The following SORCS3 variants were observed in gnomAD, a reference collection of about 807,000 sequenced individuals.
SORCS3 encodes the protein VPS10 domain-containing receptor SorCS3.
In SORCS3, 57 loss-of-function variants were observed where a neutral mutation model predicts 146.3. That is an observed-to-expected ratio of 0.39 (90% CI 0.31 to 0.49). The LOEUF is 0.49. SORCS3 is among the 20% of genes least tolerant of loss of function. SORCS3 has a pLI of 0.92. For missense variants in SORCS3, 1,341 were observed against 1,575.5 expected (o/e 0.85, Z 2.52); for synonymous variants, 653 against 618.5 (o/e 1.06, Z -0.83).
chr10:105,069,272 G>A (rs2055542370), intron 5 of SORCS3, among the ~76,000 whole-genome samples: 1 of 152,174 alleles, frequency 6.6e-6, no homozygotes, highest in Non-Finnish European at 1.5e-5. Flanking sequence ...TGCAATTCTA[G>A]GCAAATCCAG....
chr10:105,155,021 T>C (rs1055650897), intron 9 of SORCS3, among the ~76,000 whole-genome samples: 2 of 152,282 alleles, frequency 1.3e-5, no homozygotes, highest in Non-Finnish European at 2.9e-5. Context: ...TGCTGCGGCA[T>C]TATGTACAAC....
chr10:105,070,594 C>A (rs1417803256), intron 5 of SORCS3, among the ~76,000 whole-genome samples: 2 of 152,188 alleles, frequency 1.3e-5, no homozygotes, highest in African/African-American at 4.8e-5. Flanking sequence ...CTTTTAAGAA[C>A]TCTACATGGA....
chr10:105,085,263 A>G (rs2055652857), intron 5 of SORCS3, among the ~76,000 whole-genome samples: 2 of 152,264 alleles, frequency 1.3e-5, no homozygotes, highest in African/African-American at 2.4e-5. Context: ...GGCTAACGCC[A>G]TCAACATGGC....
intron 7 of SORCS3, among the ~76,000 whole-genome samples, chr10:105,138,158 GTC>G (rs2056071397): frequency 6.6e-6 from 1 of 152,212 alleles, no homozygotes; most frequent in Non-Finnish European, 1.5e-5. Flanking sequence ...GTGAAAACCA[GTC>G]TCTCTTCTTG....
At chr10:104,833,384 G>C (rs2018023481) in intron 1 of SORCS3, among the ~76,000 whole-genome samples, 1 of 152,152 alleles carries the variant, frequency 6.6e-6, no homozygotes, top group Non-Finnish European at 1.5e-5. Flanking sequence ...TTCCACATCA[G>C]CCTTGGTGGG....
In SORCS3 at chr10:104,926,075, C is replaced by T. The variant is rs145485567; in HGVS notation, c.795+10143C>T. Among the ~76,000 whole-genome samples the T allele has an allele frequency of 2.5e-3, 384 of 152,316 alleles. 1 individual carries two copies. Among genetic ancestry groups the T allele is most frequent in the Non-Finnish European group, 4.3e-3 (293 of 68,032 alleles). On this transcript the variant is annotated intron_variant, in intron 3 of 26. Coordinates refer to ENST00000369701, the MANE Select transcript of SORCS3 (RefSeq NM_014978.3). ...GCCTGGCTGTGCCTTTAGTGCTGACCGCAGTGGCTGCTGGGCCTCCCCTCC... is the reference window on the plus strand; with the variant it reads ...GCCTGGCTGTGCCTTTAGTGCTGACTGCAGTGGCTGCTGGGCCTCCCCTCC...
At chr10:104,780,049 G>A (rs1384578847) in intron 1 of SORCS3, among the ~76,000 whole-genome samples, 2 of 151,494 alleles carry the variant, frequency 1.3e-5, no homozygotes. Context: ...GTGGGGCAGC[G>A]GGGCAGGAGT....
At chr10:105,085,343 A>G (rs982220297) in intron 5 of SORCS3, among the ~76,000 whole-genome samples, 1 of 152,192 alleles carries the variant, frequency 6.6e-6, no homozygotes, top group Non-Finnish European at 1.5e-5. Context: ...ATTGTGGTGA[A>G]GAATGTTCTT....
intron 2 of SORCS3, among the ~76,000 whole-genome samples, chr10:104,851,495 C>A (rs910478829): frequency 6.6e-6 from 1 of 152,196 alleles, no homozygotes; most frequent in Non-Finnish European, 1.5e-5. Flanking sequence ...AATTCATTAG[C>A]CTTCTAATGC....
intron 5 of SORCS3, among the ~76,000 whole-genome samples, chr10:105,067,980 T>C (rs930432895): frequency 6.6e-6 from 1 of 152,022 alleles, no homozygotes; most frequent in African/African-American, 2.4e-5. Context: ...CCCACTCTCA[T>C]CAATGCTTCC....
intron 1 of SORCS3, among the ~76,000 whole-genome samples, chr10:104,685,480 C>T (rs1589457098): frequency 6.6e-6 from 1 of 152,320 alleles, no homozygotes; most frequent in Non-Finnish European, 1.5e-5. Flanking sequence ...GAGGCAGCAG[C>T]TGCAAAGGTT....
intron 8 of SORCS3, 50 bp downstream of exon 8, chr10:105,139,536 G>T (rs764820403): frequency 7.0e-7 from 1 of 1,429,566 alleles, no homozygotes; most frequent in Non-Finnish European, 9.8e-7. Context: ...CAAAGGGAGG[G>T]TTGGAGAGGC....
intron 4 of SORCS3, among the ~76,000 whole-genome samples, chr10:105,019,378 T>C (rs562655161): frequency 1.3e-5 from 2 of 152,238 alleles, no homozygotes; most frequent in East Asian, 3.8e-4. Flanking sequence ...CATTTGAGTC[T>C]TTCAGTCTAG....
chr10:105,053,382 A>C (rs2055425889), intron 5 of SORCS3, among the ~76,000 whole-genome samples: 1 of 152,028 alleles, frequency 6.6e-6, no homozygotes, highest in Non-Finnish European at 1.5e-5. Flanking sequence ...GGAAGTGGAG[A>C]GGCAATGCCA....
intron 1 of SORCS3, among the ~76,000 whole-genome samples, chr10:104,758,662 G>A (rs766374627): frequency 2.6e-5 from 4 of 152,114 alleles, no homozygotes; most frequent in Non-Finnish European, 4.4e-5. Context: ...AATGACAGCT[G>A]AGACCTTGCA....
chr10:104,748,081 T>G (rs577666264), intron 1 of SORCS3, among the ~76,000 whole-genome samples: 1 of 152,352 alleles, frequency 6.6e-6, no homozygotes, highest in African/African-American at 2.4e-5. Flanking sequence ...TTGGCTAAGT[T>G]TGTCATGAGG....
At chr10:104,716,031 T>C (rs2016472570) in intron 1 of SORCS3, among the ~76,000 whole-genome samples, 2 of 152,192 alleles carry the variant, frequency 1.3e-5, no homozygotes, top group African/African-American at 4.8e-5. Context: ...TCAGAGCTCT[T>C]GCAGTGGAGT....
intron 2 of SORCS3, among the ~76,000 whole-genome samples, chr10:104,891,273 G>T (rs1278619336): frequency 6.6e-6 from 1 of 152,118 alleles, no homozygotes; most frequent in Non-Finnish European, 1.5e-5. Context: ...AATTCTTTCA[G>T]GCGGTTCTTT....
Position 105,200,662 on chromosome 10 carries a change from G to A in SORCS3, c.2128-458G>A, listed in dbSNP as rs569565972. ...TTCTCCTTTCTTTGTTCTTGACTGG[G>A]AATTAAGATTTGGGCATGGTCGTTT... On this transcript the variant is annotated intron_variant, in intron 15 of 26. Transcript: ENST00000369701. Among the ~76,000 whole-genome samples, 19 of 152,264 alleles carry A rather than the reference G, an allele frequency of 1.2e-4. No homozygotes were observed. In the East Asian group the frequency reaches 2.7e-3, roughly 22 times the overall value.
Sources: allele counts gnomAD v4.1 joint callset (sites outside exome capture counted in the v4.1 genomes callset), GRCh38; gene constraint gnomAD v4.1.1; transcripts MANE v1.5; gene names NCBI Gene and HGNC (gene_info 2026-07-23, HGNC 2026-07-21).